FCHSD2: variants seen among roughly 807,000 people sequenced by gnomAD.
FCHSD2 encodes F-BAR and double SH3 domains protein 2.
FCHSD2 carries 38 observed loss-of-function variants against 108.1 expected under a neutral mutation model. That is an observed-to-expected ratio of 0.35 (90% CI 0.27 to 0.46). The LOEUF is 0.46. Ranked by LOEUF, FCHSD2 falls within the 20% of genes least tolerant of loss-of-function variation. The pLI is 1.00. For missense variants in FCHSD2, 751 were observed against 897.8 expected, an observed-to-expected ratio of 0.84 and a Z score of 2.09; for synonymous variants, 279 against 314.7, an observed-to-expected ratio of 0.89 and a Z score of 1.20.
intron 3 of FCHSD2, chr11:73,077,655 T>A (rs754623334): frequency 2.3e-6 from 1 of 435,942 alleles, no homozygotes; most frequent in South Asian, 1.7e-5. Context: ...CTGTGGTATA[T>A]CCATACAATG....
chr11:73,100,049 G>A lies in FCHSD2; in HGVS notation c.120-16309C>T, dbSNP rs1860184951. On this transcript the variant is annotated intron_variant, in intron 2 of 19. Transcript: ENST00000409418. ...TTCCCTGACGCACCCCGGAAGGCGT[G>A]TTCTTGGCTTGACACTTCTCAGCCC... Among the ~76,000 whole-genome samples, 3 of 152,166 alleles carry A rather than the reference G, an allele frequency of 2.0e-5. No individual in the cohort carries two copies. In the South Asian group the frequency reaches 6.2e-4, roughly 31 times the overall value.
chr11:73,020,330 T>C (rs888172618), intron 3 of FCHSD2, among the ~76,000 whole-genome samples: 1 of 152,220 alleles, frequency 6.6e-6, no homozygotes, highest in Non-Finnish European at 1.5e-5. Flanking sequence ...CTAGCACAGG[T>C]AATTCTGTAT....
chr11:73,089,058 T>C (rs954552599), intron 2 of FCHSD2, among the ~76,000 whole-genome samples: 2 of 152,228 alleles, frequency 1.3e-5, no homozygotes, highest in East Asian at 3.8e-4. Context: ...ACTAATTTCC[T>C]GTTTTAAAGC....
chr11:72,854,458 G>T (rs1861370135), intron 13 of FCHSD2, among the ~76,000 whole-genome samples: 1 of 152,202 alleles, frequency 6.6e-6, no homozygotes, highest in Admixed American at 6.5e-5. Context: ...TAGAGACAGG[G>T]TCTCGCTCTG....
chr11:72,886,002 C>T (rs971070972), intron 12 of FCHSD2, among the ~76,000 whole-genome samples: 1 of 152,176 alleles, frequency 6.6e-6, no homozygotes, highest in African/African-American at 2.4e-5. Context: ...GTACCAAAAA[C>T]ATGCTCATAT....
At chr11:72,859,979 G>T (rs932304054) in intron 13 of FCHSD2, among the ~76,000 whole-genome samples, 1 of 152,140 alleles carries the variant, frequency 6.6e-6, no homozygotes, top group African/African-American at 2.4e-5. Flanking sequence ...CCATGGACTG[G>T]ACCCTTGGGG....
intron 8 of FCHSD2, among the ~76,000 whole-genome samples, chr11:72,968,088 C>T (rs1210133649): frequency 7.9e-6 from 1 of 126,582 alleles, no homozygotes; most frequent in Non-Finnish European, 1.6e-5. Context: ...AAGACTCTGT[C>T]TCAAAAAAAA....
chr11:73,113,971 A>G (rs1860551108), intron 2 of FCHSD2, among the ~76,000 whole-genome samples: 1 of 152,070 alleles, frequency 6.6e-6, no homozygotes, highest in Non-Finnish European at 1.5e-5. Context: ...CTAGGGCTCT[A>G]CAATCAGCAG....
intron 11 of FCHSD2, among the ~76,000 whole-genome samples, chr11:72,888,751 G>C (rs927674582): frequency 6.6e-6 from 1 of 151,664 alleles, no homozygotes; most frequent in Middle Eastern, 3.2e-3. Flanking sequence ...CTCCCGAATA[G>C]GTGGGAAGAT....
intron 8 of FCHSD2, among the ~76,000 whole-genome samples, chr11:72,934,180 T>C (rs1458530968): frequency 6.6e-5 from 10 of 151,290 alleles, no homozygotes; most frequent in Admixed American, 6.6e-4. Flanking sequence ...TCATAACAGT[T>C]TGAGAAGGGC....
In FCHSD2 at chr11:72,887,566, A is replaced by T; in HGVS notation, c.1050T>A (p.Asn350Lys). ...CAGCAGCTCCATGACACTCCAGATC[A>T]TTTAGAACCTATTAAAGAAAATGGG... ...KNIVHQQRVL[N>K]DLECHGAAVS... The change falls in exon 12 of 20, where the codon AAT becomes AAA. Residue 350 changes from asparagine (N) to lysine (K), a missense_variant. Asn to Lys is a moderately conservative substitution (Grantham distance 94). Transcript: ENST00000409418. The T allele has an allele frequency of 6.4e-7, 1 of 1,562,454 alleles. No individual in the cohort carries two copies. The highest frequency in any genetic ancestry group is 8.6e-7 in the Non-Finnish European group (1 of 1,159,386).
chr11:72,861,475 C>T (rs144641029), intron 13 of FCHSD2, among the ~76,000 whole-genome samples: 8 of 150,884 alleles, frequency 5.3e-5, no homozygotes, highest in African/African-American at 1.9e-4. Flanking sequence ...AAATTCCATA[C>T]AATTCTACAC....
intron 5 of FCHSD2, among the ~76,000 whole-genome samples, chr11:72,994,386 T>C (rs1371660615): frequency 2.0e-5 from 3 of 151,810 alleles, no homozygotes; most frequent in Non-Finnish European, 4.4e-5. Flanking sequence ...ATGAAAAAGG[T>C]AGTAGTAGTA....
At chr11:73,045,799 G>T (rs1019932019) in intron 3 of FCHSD2, among the ~76,000 whole-genome samples, 116 of 152,006 alleles carry the variant, frequency 7.6e-4, no homozygotes, top group African/African-American at 2.7e-3. Context: ...GGATAGCATT[G>T]GGAGATATAC....
intron 3 of FCHSD2, among the ~76,000 whole-genome samples, chr11:73,047,334 A>G (rs1858793235): frequency 6.6e-6 from 1 of 152,210 alleles, no homozygotes; most frequent in Admixed American, 6.5e-5. Flanking sequence ...AAAAGTGGTC[A>G]GCTTCACTGT....
intron 9 of FCHSD2, among the ~76,000 whole-genome samples, chr11:72,917,599 G>A (rs1250998263): frequency 6.6e-6 from 1 of 152,088 alleles, no homozygotes; most frequent in East Asian, 1.9e-4. Flanking sequence ...TTAATTCGAA[G>A]ACTGGGCCGA....
chr11:72,900,131 C>T (rs1199904079), intron 10 of FCHSD2: 2 of 557,624 alleles, frequency 3.6e-6, no homozygotes, highest in Non-Finnish European at 6.3e-6. Flanking sequence ...GAAAACACAG[C>T]TGGTGCATCA....
intron 12 of FCHSD2, among the ~76,000 whole-genome samples, chr11:72,876,650 C>T (rs547028531): frequency 6.6e-6 from 1 of 152,286 alleles, no homozygotes; most frequent in South Asian, 2.1e-4. Flanking sequence ...TACTCATATG[C>T]AGTGGAGTTC....
At chr11:72,858,801 G>C (rs556054959) in intron 13 of FCHSD2, among the ~76,000 whole-genome samples, 101 of 152,262 alleles carry the variant, frequency 6.6e-4, no homozygotes, top group South Asian at 4.6e-3. Context: ...AAAAATATCA[G>C]GAAAATGGAT....
Sources: allele counts gnomAD v4.1 joint callset (sites outside exome capture counted in the v4.1 genomes callset), GRCh38; gene constraint gnomAD v4.1.1; transcripts MANE v1.5; gene names NCBI Gene and HGNC (gene_info 2026-07-23, HGNC 2026-07-21).